Variants in LAMA5 observed in about 807,000 individuals in gnomAD.
The protein encoded by LAMA5 is laminin subunit alpha 5.
Under a neutral mutation model 433.4 loss-of-function variants are expected in LAMA5, and 260 were observed. That is an observed-to-expected ratio of 0.60 (90% CI 0.54 to 0.66). The LOEUF (loss-of-function observed/expected upper bound fraction) is 0.66, where lower values mean the gene tolerates loss of function less well. Among genes scored for constraint, LAMA5 ranks in the 30% least tolerant of loss-of-function variants. The pLI, the probability that LAMA5 is intolerant of heterozygous loss-of-function variation, is 0.00. For synonymous variants in LAMA5, 2,620 were observed against 2,226.6 expected, an observed-to-expected ratio of 1.18 and a Z score of -4.97; for missense variants, 5,378 against 5,258.5, an observed-to-expected ratio of 1.02 and a Z score of -0.70.
rs547495598 is a variant in LAMA5 at position 62,346,182 on chromosome 20, G to T, written c.1316C>A (p.Thr439Asn). ...CNCESDFTDGTCEDLTGRCYC... is the reference protein window; with the variant it reads ...CNCESDFTDGNCEDLTGRCYC... ...GCATCGACCCGTCAGGTCCTCGCAG[G>T]TGCCATCCGTGAAGTCGGACTCGCA... is the stretch of plus-strand genomic sequence containing the variant. The change falls in exon 10 of 80, where the codon ACC becomes AAC. Residue 439 changes from threonine to asparagine, a missense_variant. Transcript: ENST00000252999. 1.9e-6 allele frequency: 3 copies of T among 1,612,700 alleles called. No individual in the cohort carries two copies. The South Asian group carries it at 3.3e-5, about 18-fold the overall frequency.
intron 3 of LAMA5, 71 bp downstream of exon 3, chr20:62,353,063 C>T: frequency 2.6e-6 from 3 of 1,133,546 alleles, no homozygotes; most frequent in Non-Finnish European, 3.8e-6. Context: ...CCTTCAGAAG[C>T]CTGGTCACGG....
intron 2 of LAMA5, among the ~76,000 whole-genome samples, chr20:62,357,363 C>G (rs1312868015): frequency 2.0e-5 from 3 of 152,232 alleles, no homozygotes; most frequent in Non-Finnish European, 4.4e-5. Flanking sequence ...CCTGATCGCA[C>G]TGCTCGGACA....
chr20:62,332,773 C>T, intron 26 of LAMA5, 56 bp from the exon 27 acceptor site: 1 of 1,581,214 alleles, frequency 6.3e-7, no homozygotes, highest in Non-Finnish European at 8.6e-7. Flanking sequence ...TCCCACCTCC[C>T]TCCCCTCCCA....
intron 28 of LAMA5, 150 bp downstream of exon 28, chr20:62,332,222 G>T (rs946862944): frequency 3.1e-5 from 19 of 614,404 alleles, no homozygotes; most frequent in Middle Eastern, 4.0e-4. Flanking sequence ...CTTGCAGGAG[G>T]GGTTCCAGAA....
intron 40 of LAMA5, among the ~76,000 whole-genome samples, chr20:62,326,088 C>T (rs150004233): frequency 1.7e-3 from 260 of 152,112 alleles, no homozygotes; most frequent in African/African-American, 5.8e-3. Flanking sequence ...GGTGTGGTGG[C>T]GGGTGCCTAT....
At chr20:62,361,940 C>A (rs1568991011) in intron 2 of LAMA5, among the ~76,000 whole-genome samples, 1 of 152,214 alleles carries the variant, frequency 6.6e-6, no homozygotes, top group East Asian at 1.9e-4. Flanking sequence ...CCCCACCTAA[C>A]CCTCAGTGGC....
chr20:62,318,434 A>G lies in LAMA5; in HGVS notation c.7239+20T>C, dbSNP rs1264447298. 2 of 1,559,154 alleles carry G rather than the reference A, an allele frequency of 1.3e-6. No homozygotes were observed. The highest frequency in any genetic ancestry group is 1.7e-6 in the Non-Finnish European group (2 of 1,156,988). Reference sequence around the variant, plus strand: ...AGGCGGGAAGAGGAGCAGGAGGAAGAACAAGTCCGGGGTCCTCACCAGGGC... The same window carrying G: ...AGGCGGGAAGAGGAGCAGGAGGAAGGACAAGTCCGGGGTCCTCACCAGGGC... On this transcript the variant is annotated intron_variant, in intron 53 of 79. Coordinates refer to ENST00000252999, the MANE Select transcript of LAMA5 (RefSeq NM_005560.6).
intron 31 of LAMA5, among the ~76,000 whole-genome samples, chr20:62,330,143 T>C (rs1470017582): frequency 6.6e-6 from 1 of 152,194 alleles, no homozygotes; most frequent in Non-Finnish European, 1.5e-5. Context: ...ACCGGTCAAC[T>C]CCATGTGCGG....
rs45518634 is a variant in LAMA5 at position 62,315,976 on chromosome 20, C to T, written c.7839G>A (p.Ala2613=). The change falls in exon 58 of 80, where the codon GCG becomes GCA. Residue 2613 remains alanine (A), a synonymous_variant. Coordinates refer to ENST00000252999, the MANE Select transcript of LAMA5 (RefSeq NM_005560.6). The part of the protein sequence containing the change: ...KKDQLEAHIQ[A]AQAMLAMDTD... ...TGTCCATGGCAAGCATGGCCTGCGC[C>T]GCCTGGATGTGCGCCTCCAGCTGGT... is the stretch of plus-strand genomic sequence containing the variant. 183 of 1,606,706 alleles carry T rather than the reference C, an allele frequency of 1.1e-4. No homozygotes were observed. The highest frequency in any genetic ancestry group is 4.5e-4 in the African/African-American group (34 of 75,020).
rs776368927 is a variant in LAMA5, at chr20:62,316,703, G to T, written c.7724C>A (p.Ala2575Asp). 6.2e-7 allele frequency: 1 copy of T among 1,607,678 alleles called. No individual in the cohort carries two copies. Among genetic ancestry groups the T allele is most frequent in the East Asian group, 2.2e-5 (1 of 44,776 alleles). Residue 2575 changes from alanine (A) to aspartate (D), a missense_variant, in exon 57 of 80, where the codon GCC becomes GAC. Coordinates refer to ENST00000252999, the MANE Select transcript of LAMA5 (RefSeq NM_005560.6). ...LLANSTALEE[A>D]MLQEQQRLGL... is the part of the protein sequence containing the mutation. ...CAGCCTCTGCTGTTCCTGGAGCATG[G>T]CCTCTTCTAGTGCAGTGCTGTTGGC...
In LAMA5 at chr20:62,311,483, T is replaced by C; in HGVS notation, c.9860A>G (p.Asn3287Ser). The C allele has an allele frequency of 6.2e-7, 1 of 1,610,550 alleles. No individual in the cohort carries two copies. The highest frequency in any genetic ancestry group is 8.5e-7 in the Non-Finnish European group (1 of 1,178,880). ...FDLQQNLGSV[N>S]VSTGCAPALQ... ...GGCGGGTGCACAGCCCGTGCTCACA[T>C]TGACGCTGCCCAGGTTCTGCTGCAG... The change falls in exon 72 of 80, where the codon AAT becomes AGT. Residue 3287 changes from asparagine to serine, a missense_variant. Physicochemically the swap from Asn to Ser is conservative, Grantham distance 46 (BLOSUM62 1). Transcript: ENST00000252999.
In LAMA5 at chr20:62,316,955, C is replaced by T. The variant is rs140461905; in HGVS notation, c.7580G>A (p.Arg2527His). The T allele has an allele frequency of 3.3e-4, 515 of 1,566,776 alleles. 4 individuals are homozygous for T. The highest frequency in any genetic ancestry group is 2.4e-3 in the East Asian group (104 of 43,946). Residue 2527 changes from arginine (R) to histidine (H), a missense_variant, in exon 56 of 80, where the codon CGC becomes CAC. Arg to His is a conservative substitution (Grantham distance 29). Transcript: ENST00000252999. ...GGCAGCCTGCACGGCCTGCAGGATGCGGCTGTAGGCGTTGGAGGCCTCGAT... is the reference window on the plus strand; with the variant it reads ...GGCAGCCTGCACGGCCTGCAGGATGTGGCTGTAGGCGTTGGAGGCCTCGAT... ...RAIEASNAYSRILQAVQAAED... is the reference protein window; with the variant it reads ...RAIEASNAYSHILQAVQAAED...
At chr20:62,353,287 G>C in intron 2 of LAMA5, 36 bp from the exon 3 acceptor site, 1 of 1,445,258 alleles carries the variant, frequency 6.9e-7, no homozygotes, top group Non-Finnish European at 9.6e-7. Flanking sequence ...AGCCAGGGGC[G>C]CCTGGATTCC....
rs1979604224 is a variant in LAMA5 at position 62,327,929 on chromosome 20, G to A, written c.4734C>T (p.Asp1578=). The change falls in exon 36 of 80, where the codon GAC becomes GAT. Residue 1578 remains aspartate, a synonymous_variant. Coordinates refer to ENST00000252999, the MANE Select transcript of LAMA5 (RefSeq NM_005560.6). The part of the protein sequence containing the change: ...FHGYPRCRPC[D]CHEAGTAPGV... Reference sequence around the variant, plus strand: ...CAGGCGCAGTGCCCGCCTCGTGACAGTCACAGGGGCGGCAGCGGGGGTAGC... The same window carrying A: ...CAGGCGCAGTGCCCGCCTCGTGACAATCACAGGGGCGGCAGCGGGGGTAGC... 5.0e-6 allele frequency: 8 copies of A among 1,612,534 alleles called. No individual in the cohort carries two copies. The highest frequency in any genetic ancestry group is 6.8e-6 in the Non-Finnish European group (8 of 1,179,928).
At chr20:62,318,131 G>A (rs1214964820) in intron 53 of LAMA5, among the ~76,000 whole-genome samples, 1 of 16,716 alleles carries the variant, frequency 6.0e-5, no homozygotes, top group African/African-American at 3.4e-4. Flanking sequence ...GATGAGGATT[G>A]GGGAGGGACA....
rs766814734 is a variant in LAMA5 at position 62,320,618 on chromosome 20, C to G, written c.6700G>C (p.Glu2234Gln). 14 of 1,609,092 alleles carry G rather than the reference C, an allele frequency of 8.7e-6. 1 individual carries two copies. In the South Asian group the frequency reaches 1.5e-4, roughly 18 times the overall value. ...GPRHETAQQL[E>Q]VLEQQSTSLG... Reference sequence around the variant, plus strand: ...CTTGTGCTCTGCTGCTCCAGCACCTCCAGCTGCTGTGCCGTCTCATGGCGG... The same window carrying G: ...CTTGTGCTCTGCTGCTCCAGCACCTGCAGCTGCTGTGCCGTCTCATGGCGG... Residue 2234 changes from glutamate to glutamine, a missense_variant, in exon 50 of 80, where the codon GAG becomes CAG. By Grantham distance (29) the Glu-to-Gln change is conservative. Transcript: ENST00000252999.
At chr20:62,321,446 GAGGGGTAGGGCCAGCA>G (rs1474052818) in intron 48 of LAMA5, among the ~76,000 whole-genome samples, 2 of 13,850 alleles carry the variant, frequency 1.4e-4, no homozygotes, top group East Asian at 2.3e-3. Context: ...AGGGCCAGCA[GAGGGGTAGGGCCAGCA>G]GAGGGGTGGG....
At position 62,327,648 on chromosome 20, in the gene LAMA5, A is replaced by C; in HGVS notation, c.4819T>G (p.Cys1607Gly). ...AAGGTCCCAAGGCTGCACTGGTCAC[A>C]TTTGGGGCCCTGCACGTTCTCCTAG... ...YCKENVQGPKCDQCSLGTFSL... is the reference protein window; with the variant it reads ...YCKENVQGPKGDQCSLGTFSL... The change falls in exon 37 of 80, where the codon TGT becomes GGT. Residue 1607 changes from cysteine to glycine, a missense_variant. By Grantham distance (159) the Cys-to-Gly change is radical. Coordinates refer to ENST00000252999, the MANE Select transcript of LAMA5 (RefSeq NM_005560.6). 6.2e-7 allele frequency: 1 copy of C among 1,613,090 alleles called. No homozygotes were observed. The highest frequency in any genetic ancestry group is 1.3e-5 in the African/African-American group (1 of 75,044).
intron 46 of LAMA5, 93 bp downstream of exon 46, chr20:62,322,565 C>T (rs1978456903): frequency 4.2e-6 from 6 of 1,419,242 alleles, no homozygotes; most frequent in Non-Finnish European, 5.7e-6. Flanking sequence ...CCATCAAACA[C>T]TGCCCCTCAG....
Sources: gnomAD v4.1 joint callset for allele counts (sites outside exome capture counted in the v4.1 genomes callset) on GRCh38, gnomAD v4.1.1 for gene constraint, MANE v1.5 for transcripts, NCBI Gene and HGNC (gene_info 2026-07-23, HGNC 2026-07-21) for gene names.